Variants in PUDP observed in about 807,000 individuals in gnomAD.
PUDP encodes the protein pseudouridine 5'-phosphatase.
PUDP carries 8 observed loss-of-function variants against 9.4 expected under a neutral mutation model. The ratio of observed to expected loss-of-function variants is 0.85; its 90% CI spans 0.50 to 1.53. The LOEUF (loss-of-function observed/expected upper bound fraction) is 1.53. Among genes scored for constraint, PUDP ranks in the 40% most tolerant of loss-of-function variants. The pLI is 0.00. For missense variants in PUDP, 188 were observed against 189.7 expected (o/e 0.99, Z 0.05); for synonymous variants, 99 against 80.7 (o/e 1.23, Z -1.22).
rs756537725 is a variant in PUDP, at chrX:6,872,749, C to T, written c.*247+104384G>A. On this transcript the variant is annotated intron_variant and NMD_transcript_variant, in intron 3 of 3. Transcript: ENST00000655425. ...ATCTCTAAATATAAGGTCACGTTCC[C>T]GTGGTACTAGGGATTAAGACTTCAA... Among the ~76,000 whole-genome samples, 336 of 107,275 alleles carry T rather than the reference C, an allele frequency of 3.1e-3. 3 individuals carry two copies. The highest frequency in any genetic ancestry group is 0.019 in the Middle Eastern group (4 of 206). The allele number at this position is 107,275 out of a possible 115,157, so 93.2% of individuals were successfully genotyped here.
At chrX:6,994,545 T>C (rs956778515) in intron 1 of PUDP, among the ~76,000 whole-genome samples, 1 of 111,878 alleles carries the variant, frequency 8.9e-6, no homozygotes, top group African/African-American at 3.3e-5. Context: ...GGAGAACACC[T>C]CTGATATGTT....
At chrX:6,754,242 G>C (rs185893620) in intron 3 of PUDP, among the ~76,000 whole-genome samples, 4 of 111,245 alleles carry the variant, frequency 3.6e-5, no homozygotes, top group African/African-American at 1.3e-4. Context: ...TCTCATGAGA[G>C]CTGATGGTTT....
chrX:6,957,190 T>C (rs992239162), intron 3 of PUDP, among the ~76,000 whole-genome samples: 1 of 111,105 alleles, frequency 9.0e-6, no homozygotes, highest in Non-Finnish European at 1.9e-5. Flanking sequence ...GAGAGCTAGA[T>C]AGTGTTCCAT....
At chrX:6,910,576 G>A (rs1927834516) in intron 3 of PUDP, among the ~76,000 whole-genome samples, 1 of 112,043 alleles carries the variant, frequency 8.9e-6, no homozygotes, top group African/African-American at 3.2e-5. Flanking sequence ...CAAGTTTGAG[G>A]AGTCCTGGAA....
chrX:6,827,626 A>G (rs1265145441), intron 3 of PUDP, among the ~76,000 whole-genome samples: 1 of 111,923 alleles, frequency 8.9e-6, no homozygotes, highest in Non-Finnish European at 1.9e-5. Context: ...CAACTAGAGC[A>G]AATCCACATT....
At chrX:7,048,161 T>G (rs1930010541), downstream of PUDP, among the ~76,000 whole-genome samples, 1 of 112,330 alleles carries the variant, frequency 8.9e-6, no homozygotes, top group African/African-American at 3.2e-5. Flanking sequence ...GAAATTAAGA[T>G]GACGTTGATA....
chrX:6,883,971 G>T (rs1261036723), intron 3 of PUDP, among the ~76,000 whole-genome samples: 2 of 111,208 alleles, frequency 1.8e-5, no homozygotes, highest in Non-Finnish European at 3.8e-5. Context: ...CTCCCAAGTA[G>T]CTGGGACTAC....
rs1483506293 is a variant in PUDP at position 7,049,511 on chromosome X, A to G, written c.*785T>C. 8.9e-6 allele frequency: 1 copy of G among 112,606 alleles called. No homozygotes were observed. The highest frequency in any genetic ancestry group is 3.2e-5 in the African/African-American group (1 of 30,877). The allele number at this position is 112,606 out of a possible 1,213,427, so 9.3% of individuals were successfully genotyped here. A position where few individuals can be genotyped will look rare whatever the true frequency, so the allele number is the denominator to read the frequency against. On this transcript the variant is annotated 3_prime_UTR_variant, in exon 4 of 4. Coordinates refer to ENST00000381077, the MANE Select transcript of PUDP (RefSeq NM_012080.5). ...GCAGGTAAGGATGTAGATACCAGGT[A>G]AATGTTACAGTTGTGTTCATACTAA...
chrX:6,956,792 AC>A (rs1483367369), intron 3 of PUDP, among the ~76,000 whole-genome samples: 10 of 111,884 alleles, frequency 8.9e-5, no homozygotes, highest in Non-Finnish European at 1.7e-4. Context: ...GGACTTTGCA[AC>A]CAAAAGCCAC....
At chrX:6,961,944 G>A (rs558928827) in intron 3 of PUDP, among the ~76,000 whole-genome samples, 1 of 112,560 alleles carries the variant, frequency 8.9e-6, no homozygotes, top group South Asian at 3.7e-4. Flanking sequence ...CTTCTGAAGA[G>A]TGGAAACCTG....
chrX:6,715,245 T>C (rs1409585696), intron 1 of PUDP, among the ~76,000 whole-genome samples: 1 of 111,276 alleles, frequency 9.0e-6, no homozygotes, highest in Non-Finnish European at 1.9e-5. Context: ...CAATAAATAT[T>C]TGTACATCAT....
At chrX:7,057,610 G>A in intron 3 of PUDP, 1 of 1,101,177 alleles carries the variant, frequency 9.1e-7, no homozygotes. Flanking sequence ...GGAAGGAGAG[G>A]TAGCTTTTGT....
chrX:7,120,611 T>G (rs1314469879), intron 1 of PUDP, among the ~76,000 whole-genome samples: 1 of 112,498 alleles, frequency 8.9e-6, no homozygotes, highest in Non-Finnish European at 1.9e-5. Context: ...AAGTTAACTA[T>G]AAATTTACCA....
intron 1 of PUDP, among the ~76,000 whole-genome samples, chrX:7,135,556 T>C (rs777267196): frequency 1.8e-5 from 2 of 112,071 alleles, no homozygotes; most frequent in Non-Finnish European, 3.8e-5. Context: ...AATGAATGCA[T>C]TGCCACTGTA....
chrX:7,041,083 G>A (rs947010109), intron 1 of PUDP, among the ~76,000 whole-genome samples: 1 of 112,138 alleles, frequency 8.9e-6, no homozygotes, highest in Non-Finnish European at 1.9e-5. Context: ...AACAGGCGAT[G>A]AGCAGAGTCA....
chrX:6,832,062 A>C (rs1005343301), intron 3 of PUDP, among the ~76,000 whole-genome samples: 1 of 112,108 alleles, frequency 8.9e-6, no homozygotes, highest in Non-Finnish European at 1.9e-5. Context: ...AAATATTTGG[A>C]GGAAAATAAC....
chrX:7,146,843 T>G (rs933433754), intron 1 of PUDP, among the ~76,000 whole-genome samples: 291 of 106,625 alleles, frequency 2.7e-3, no homozygotes, highest in Non-Finnish European at 3.5e-3. Context: ...GGGTTTTTTT[T>G]TTTTTTTTTT....
intron 3 of PUDP, among the ~76,000 whole-genome samples, chrX:6,814,476 T>C (rs1164207532): frequency 9.0e-6 from 1 of 110,936 alleles, no homozygotes; most frequent in Non-Finnish European, 1.9e-5. Context: ...TTCTGTTTAT[T>C]TTCATGATTG....
At chrX:7,104,143 C>T (rs1463742692) in intron 2 of PUDP, among the ~76,000 whole-genome samples, 1 of 111,664 alleles carries the variant, frequency 9.0e-6, no homozygotes, top group Non-Finnish European at 1.9e-5. Flanking sequence ...GGTGTGGATG[C>T]CACCCAAATG....
Sources: allele counts gnomAD v4.1 joint callset (sites outside exome capture counted in the v4.1 genomes callset), GRCh38; gene constraint gnomAD v4.1.1; transcripts MANE v1.5; gene names NCBI Gene and HGNC (gene_info 2026-07-23, HGNC 2026-07-21).